The following UNC13B variants were observed in gnomAD, a reference collection of about 807,000 sequenced individuals.
The protein encoded by UNC13B is unc-13 homolog B, also known as protein unc-13 homolog B.
UNC13B carries 144 observed loss-of-function variants against 211.0 expected under a neutral mutation model. That is an observed-to-expected ratio of 0.68 (90% CI 0.60 to 0.78). The LOEUF (loss-of-function observed/expected upper bound fraction) is 0.78. Among genes scored for constraint, UNC13B ranks in the 30% least tolerant of loss-of-function variants. UNC13B has a pLI of 0.00. For synonymous variants in UNC13B, 709 were observed against 725.8 expected (o/e 0.98, Z 0.37); for missense variants, 1,777 against 2,002.0 (o/e 0.89, Z 2.14).
At chr9:35,259,523 G>A (rs1014791544) in intron 7 of UNC13B, among the ~76,000 whole-genome samples, 1 of 152,108 alleles carries the variant, frequency 6.6e-6, no homozygotes, top group South Asian at 2.1e-4. Context: ...CATAGACATT[G>A]TTCCATTTTA....
At chr9:35,315,542 G>C (rs1830407273) in intron 11 of UNC13B, among the ~76,000 whole-genome samples, 1 of 152,106 alleles carries the variant, frequency 6.6e-6, no homozygotes, top group Admixed American at 6.5e-5. Context: ...TTGGAGACAT[G>C]ATATTCTGTC....
At chr9:35,189,545 A>C (rs2131335885) in intron 1 of UNC13B, among the ~76,000 whole-genome samples, 1 of 152,330 alleles carries the variant, frequency 6.6e-6, no homozygotes, top group Admixed American at 6.5e-5. Flanking sequence ...GTGAACTAAA[A>C]AATATTTAAG....
chr9:35,398,393 T>C, intron 31 of UNC13B, 105 bp downstream of exon 31: 7 of 1,441,450 alleles, frequency 4.9e-6, no homozygotes, highest in African/African-American at 1.4e-5. Context: ...GGAATTTAGC[T>C]TGGGGTCTGG....
At chr9:35,353,738 C>T (rs1048417102) in intron 11 of UNC13B, 2 of 1,231,938 alleles carry the variant, frequency 1.6e-6, no homozygotes, top group Non-Finnish European at 2.0e-6. Flanking sequence ...AGAGAAAAGA[C>T]TAAGGCAGAA....
chr9:35,308,702 G>A (rs1408891399), intron 9 of UNC13B, among the ~76,000 whole-genome samples: 1 of 152,188 alleles, frequency 6.6e-6, no homozygotes, highest in Non-Finnish European at 1.5e-5. Context: ...GCTCTGCCTT[G>A]TATAATGTGA....
At chr9:35,390,771 A>G (rs1835483643) in intron 26 of UNC13B, 57 bp downstream of exon 26, 2 of 1,511,864 alleles carry the variant, frequency 1.3e-6, no homozygotes, top group African/African-American at 1.4e-5. Flanking sequence ...CTCCTCGTTC[A>G]CTGTCCCTTT....
In UNC13B at chr9:35,397,288, A is replaced by T. The variant is rs1784389023; in HGVS notation, c.11654A>T (p.His3885Leu). Reference protein sequence around the residue: ...LECPDPSILAHYMRRFAKTIG... With the variant: ...LECPDPSILALYMRRFAKTIG... ...TGCCCAGACCCCAGCATCCTTGCCC[A>T]CTACATGAGGAGGTTTGCTAAGGTG... The change falls in exon 29 of 40, where the codon CAC (histidine) becomes CTC (leucine). Residue 3885 changes from histidine to leucine, a missense_variant. Transcript: ENST00000635942. The T allele has an allele frequency of 6.2e-7, 1 of 1,613,952 alleles. No homozygotes were observed. Among genetic ancestry groups the T allele is most frequent in the African/African-American group, 1.3e-5 (1 of 74,912 alleles).
chr9:35,353,071 A>G, intron 11 of UNC13B: 1 of 1,232,198 alleles, frequency 8.1e-7, no homozygotes, highest in Non-Finnish European at 1.0e-6. Flanking sequence ...ACAAGTCCAG[A>G]AGGCTTGCAG....
rs1315248418 is a variant in UNC13B, at chr9:35,403,225, C to G, written c.12543C>G (p.His4181Gln). 1 of 1,614,188 alleles carries G rather than the reference C, an allele frequency of 6.2e-7. No individual in the cohort carries two copies. Residue 4181 changes from histidine (H) to glutamine (Q), a missense_variant, in exon 38 of 40, where the codon CAC (histidine) becomes CAG (glutamine). Physicochemically the swap from His to Gln is conservative, Grantham distance 24. Coordinates refer to ENST00000635942, the MANE Select transcript of UNC13B (RefSeq NM_001371189.2). ...EVSIQVDLFT[H>Q]PGTGEHKVTV... ...CTATTCAGGTGGACTTGTTTACACACCCTGGTACTGGGGAGCACAAGGTCA... is the reference window on the plus strand; with the variant it reads ...CTATTCAGGTGGACTTGTTTACACAGCCTGGTACTGGGGAGCACAAGGTCA...
At chr9:35,169,894 A>C (rs1821242569) in intron 1 of UNC13B, among the ~76,000 whole-genome samples, 1 of 152,144 alleles carries the variant, frequency 6.6e-6, no homozygotes, top group African/African-American at 2.4e-5. Flanking sequence ...GTTTGTTTAA[A>C]GTTTGGGCTG....
At position 35,306,572 on chromosome 9, in the gene UNC13B, G is replaced by T; in HGVS notation, c.7168G>T (p.Asp2390Tyr). The T allele has an allele frequency of 2.5e-6, 1 of 398,904 alleles. No individual in the cohort carries two copies. The highest frequency in any genetic ancestry group is 1.3e-4 in the South Asian group (1 of 7,830). The allele number at this position is 398,904 out of a possible 1,614,324, so 24.7% of individuals were successfully genotyped here. A position where few individuals can be genotyped will look rare whatever the true frequency, so the allele number is the denominator to read the frequency against. ...GTTAATTGAAAAATTCAATGATTTAGACACTTGTACTAACTGCCACCAAAA... is the reference window on the plus strand; with the variant it reads ...GTTAATTGAAAAATTCAATGATTTATACACTTGTACTAACTGCCACCAAAA... ...KQLIEKFNDLDTCTNCHQNEK... is the reference protein window; with the variant it reads ...KQLIEKFNDLYTCTNCHQNEK... Residue 2390 changes from aspartate (D) to tyrosine (Y), a missense_variant, in exon 9 of 40, where the codon GAC becomes TAC. Physicochemically the swap from Asp to Tyr is radical, Grantham distance 160. Transcript: ENST00000635942.
intron 8 of UNC13B, among the ~76,000 whole-genome samples, chr9:35,298,095 C>G (rs1181576773): frequency 6.6e-6 from 1 of 152,134 alleles, no homozygotes; most frequent in Non-Finnish European, 1.5e-5. Flanking sequence ...AGAAATCATT[C>G]CAATTTAGCT....
At chr9:35,184,291 C>A (rs1197619659) in intron 1 of UNC13B, among the ~76,000 whole-genome samples, 1 of 152,054 alleles carries the variant, frequency 6.6e-6, no homozygotes, top group Non-Finnish European at 1.5e-5. Flanking sequence ...AGACGCTGCC[C>A]ACTTCCCAGA....
At chr9:35,335,688 C>G (rs1001911065) in intron 11 of UNC13B, among the ~76,000 whole-genome samples, 5 of 149,586 alleles carry the variant, frequency 3.3e-5, no homozygotes, top group African/African-American at 1.2e-4. Context: ...ATTCTTCCTT[C>G]TTGGCCTTTT....
chr9:35,231,158 G>A lies in UNC13B; in HGVS notation c.91G>A (p.Val31Met), dbSNP rs755404131. Reference protein sequence around the residue: ...NTYVTLKVQNVKSTTVAVRGD... With the variant: ...NTYVTLKVQNMKSTTVAVRGD... ...ATATGTGACCCTGAAAGTACAGAATGTGAAGAGCACAACTGTAGCAGTTCG... is the reference window on the plus strand; with the variant it reads ...ATATGTGACCCTGAAAGTACAGAATATGAAGAGCACAACTGTAGCAGTTCG... The change falls in exon 3 of 40, where the codon GTG becomes ATG. Residue 31 changes from valine to methionine, a missense_variant. By Grantham distance (21) the Val-to-Met change is conservative (BLOSUM62 1). Transcript: ENST00000635942. 10 of 1,613,316 alleles carry A rather than the reference G, an allele frequency of 6.2e-6. No individual in the cohort carries two copies. Among genetic ancestry groups the A allele is most frequent in the Non-Finnish European group, 8.5e-6 (10 of 1,179,536 alleles).
At chr9:35,200,094 G>C (rs1366269696) in intron 1 of UNC13B, among the ~76,000 whole-genome samples, 1 of 152,152 alleles carries the variant, frequency 6.6e-6, no homozygotes, top group Non-Finnish European at 1.5e-5. Context: ...TTATTAAATA[G>C]GGAATCCTTT....
At chr9:35,246,482 A>G (rs1195455578) in intron 6 of UNC13B, among the ~76,000 whole-genome samples, 1 of 152,152 alleles carries the variant, frequency 6.6e-6, no homozygotes, top group Non-Finnish European at 1.5e-5. Flanking sequence ...TTATGATTTT[A>G]GGTCTAACAT....
Position 35,304,802 on chromosome 9 carries a change from A to T in UNC13B, c.5398A>T (p.Ile1800Phe). 2.5e-6 allele frequency: 1 copy of T among 398,986 alleles called. No homozygotes were observed. The highest frequency in any genetic ancestry group is 4.4e-6 in the Non-Finnish European group (1 of 225,992). The allele number at this position is 398,986 out of a possible 1,614,324, so 24.7% of individuals were successfully genotyped here. A position where few individuals can be genotyped will look rare whatever the true frequency, so the allele number is the denominator to read the frequency against. ...ELTNDGFQSL[I>F]MSKQLEGNSP... is the part of the protein sequence containing the mutation. ...CACAAATGATGGCTTTCAGTCATTA[A>T]TCATGAGTAAGCAATTAGAGGGTAA... The change falls in exon 9 of 40, where the codon ATC becomes TTC. Residue 1800 changes from isoleucine (I) to phenylalanine (F), a missense_variant. Transcript: ENST00000635942.
chr9:35,293,016 C>G (rs901254397), intron 7 of UNC13B, among the ~76,000 whole-genome samples: 1 of 152,192 alleles, frequency 6.6e-6, no homozygotes, highest in African/African-American at 2.4e-5. Flanking sequence ...TTTTTAGTTT[C>G]TAATCAGGCT....
Sources: gnomAD v4.1 joint callset for allele counts (sites outside exome capture counted in the v4.1 genomes callset) on GRCh38, gnomAD v4.1.1 for gene constraint, MANE v1.5 for transcripts, NCBI Gene and HGNC (gene_info 2026-07-23, HGNC 2026-07-21) for gene names.